MIPOL1: variants seen among roughly 807,000 people sequenced by gnomAD.
MIPOL1 encodes the protein mirror-image polydactyly gene 1 protein.
Under a neutral mutation model 60.9 loss-of-function variants are expected in MIPOL1, and 57 were observed. The observed-to-expected ratio is 0.94, with a 90% confidence interval of 0.76 to 1.17. The LOEUF is 1.17. Ranked by LOEUF, MIPOL1 falls within the 50% of genes most tolerant of loss-of-function variation. The probability of loss-of-function intolerance (pLI) is 0.00; values close to 1 mark genes in which losing one functional copy is unlikely to be tolerated. For missense variants in MIPOL1, 551 were observed against 511.6 expected (o/e 1.08, Z -0.74); for synonymous variants, 179 against 168.8 (o/e 1.06, Z -0.47).
intron 11 of MIPOL1, among the ~76,000 whole-genome samples, chr14:37,439,059 C>T (rs2094203777): frequency 6.6e-6 from 1 of 152,054 alleles, no homozygotes; most frequent in African/African-American, 2.4e-5. Context: ...TTTTGTGAAA[C>T]ATAGAGTTAA....
chr14:37,453,343 A>C (rs1221166608), intron 11 of MIPOL1, among the ~76,000 whole-genome samples: 2 of 152,256 alleles, frequency 1.3e-5, no homozygotes, highest in East Asian at 3.9e-4. Flanking sequence ...TCCCATAACT[A>C]ACCTTTGATA....
rs1409357731 is a variant in MIPOL1, at chr14:37,316,256, C to A, written c.828+7737C>A. Among the ~76,000 whole-genome samples the A allele has an allele frequency of 4.6e-5, 7 of 152,134 alleles. No individual in the cohort carries two copies. The South Asian group carries it at 1.2e-3, about 27-fold the overall frequency. On this transcript the variant is annotated intron_variant, in intron 9 of 12. Coordinates refer to ENST00000684589, the MANE Select transcript of MIPOL1 (RefSeq NM_001388067.1). ...ATGTTGGCCAGGCTAGTCTTGAACT[C>A]CTGACCTCAGGTGATCCACCCGCCT...
At chr14:37,332,500 T>A (rs1192257623) in intron 9 of MIPOL1, among the ~76,000 whole-genome samples, 2 of 152,196 alleles carry the variant, frequency 1.3e-5, no homozygotes, top group African/African-American at 4.8e-5. Context: ...GTCTTACCTT[T>A]AACAACACAC....
At chr14:37,378,677 A>C (rs983217944) in intron 10 of MIPOL1, among the ~76,000 whole-genome samples, 4 of 151,452 alleles carry the variant, frequency 2.6e-5, no homozygotes, top group African/African-American at 9.7e-5. Flanking sequence ...TGTAAGAAGG[A>C]AGGGATGAAA....
chr14:37,474,657 A>G (rs1840559694), intron 11 of MIPOL1, among the ~76,000 whole-genome samples: 1 of 152,218 alleles, frequency 6.6e-6, no homozygotes, highest in South Asian at 2.1e-4. Flanking sequence ...GCAGTGCAAG[A>G]ACAGACTAAT....
intron 11 of MIPOL1, among the ~76,000 whole-genome samples, chr14:37,492,055 C>A (rs1292120223): frequency 1.3e-5 from 2 of 152,180 alleles, no homozygotes; most frequent in Non-Finnish European, 2.9e-5. Context: ...CTGTGTTGCT[C>A]AGGCTGGTCT....
At chr14:37,265,850 G>C (rs2082836618) in intron 3 of MIPOL1, among the ~76,000 whole-genome samples, 1 of 152,062 alleles carries the variant, frequency 6.6e-6, no homozygotes, top group Non-Finnish European at 1.5e-5. Flanking sequence ...TGGATAGTCT[G>C]ATTTGCAGAG....
At chr14:37,476,167 A>T (rs2094770784) in intron 11 of MIPOL1, among the ~76,000 whole-genome samples, 1 of 152,178 alleles carries the variant, frequency 6.6e-6, no homozygotes, top group South Asian at 2.1e-4. Context: ...CATTAATGTA[A>T]TCTCAAATTA....
chr14:37,295,846 G>T (rs980100016), intron 7 of MIPOL1, among the ~76,000 whole-genome samples: 6 of 152,030 alleles, frequency 3.9e-5, no homozygotes, highest in Non-Finnish European at 8.8e-5. Flanking sequence ...CCCCCACACA[G>T]TAATCATGGG....
intron 1 of MIPOL1, among the ~76,000 whole-genome samples, chr14:37,229,977 A>C (rs1040045536): frequency 1.1e-4 from 17 of 152,270 alleles, no homozygotes; most frequent in African/African-American, 3.6e-4. Context: ...TGACAGGAGG[A>C]ATAAGTTCAA....
intron 12 of MIPOL1, among the ~76,000 whole-genome samples, chr14:37,535,790 G>T (rs1026812413): frequency 1.3e-5 from 2 of 152,152 alleles, no homozygotes; most frequent in Admixed American, 1.3e-4. Context: ...ACAGTGCTTT[G>T]TATAATTACA....
chr14:37,507,499 C>G (rs1045133469), intron 12 of MIPOL1: 17 of 152,374 alleles, frequency 1.1e-4, no homozygotes, highest in African/African-American at 4.1e-4. Flanking sequence ...CTAACTATCA[C>G]AAGGACAGAA....
intron 12 of MIPOL1, among the ~76,000 whole-genome samples, chr14:37,512,196 C>G (rs2095333458): frequency 6.6e-6 from 1 of 152,024 alleles, no homozygotes; most frequent in Non-Finnish European, 1.5e-5. Flanking sequence ...TGTTTAAAGT[C>G]TTTTCTGCTA....
At chr14:37,463,269 A>G (rs2094560637) in intron 11 of MIPOL1, among the ~76,000 whole-genome samples, 1 of 152,182 alleles carries the variant, frequency 6.6e-6, no homozygotes, top group Non-Finnish European at 1.5e-5. Flanking sequence ...TCAGAAGAAC[A>G]GCACAGGAAA....
At chr14:37,317,829 C>T (rs886489572) in intron 9 of MIPOL1, among the ~76,000 whole-genome samples, 1 of 152,078 alleles carries the variant, frequency 6.6e-6, no homozygotes, top group Non-Finnish European at 1.5e-5. Flanking sequence ...GAAAAAATCC[C>T]TAAATGATAC....
intron 11 of MIPOL1, among the ~76,000 whole-genome samples, chr14:37,440,582 C>T (rs1040153543): frequency 1.3e-5 from 2 of 152,080 alleles, no homozygotes; most frequent in African/African-American, 2.4e-5. Context: ...CGGTTCCATT[C>T]GTGTTGCTAC....
Position 37,288,159 on chromosome 14 carries a change from G to GT in MIPOL1, c.623+2720dup, listed in dbSNP as rs201281176. 5.9e-3 allele frequency among the ~76,000 whole-genome samples: 891 copies of GT among 150,330 alleles called. 13 individuals carry two copies. The highest frequency in any genetic ancestry group is 0.02 in the African/African-American group (818 of 40,950). ...TGTTTTCTTTTTTTAAGTTTTTGAG[G>GT]TTTTTTTTGGTTGTTGTTTTGTTTT... On this transcript the variant is annotated intron_variant, in intron 7 of 12. Coordinates refer to ENST00000684589, the MANE Select transcript of MIPOL1 (RefSeq NM_001388067.1).
intron 9 of MIPOL1, among the ~76,000 whole-genome samples, chr14:37,367,041 T>G (rs1287509693): frequency 6.6e-6 from 1 of 152,002 alleles, no homozygotes; most frequent in Middle Eastern, 3.2e-3. Flanking sequence ...ACAAATGAAT[T>G]TGGTGAGAAT....
chr14:37,349,276 C>CCGAGA (rs2091176993), intron 9 of MIPOL1, among the ~76,000 whole-genome samples: 2 of 152,140 alleles, frequency 1.3e-5, no homozygotes, highest in African/African-American at 4.8e-5. Flanking sequence ...GCGTGAGCCA[C>CCGAGA]TGCACCCGGC....
Sources: allele counts gnomAD v4.1 joint callset (sites outside exome capture counted in the v4.1 genomes callset), GRCh38; gene constraint gnomAD v4.1.1; transcripts MANE v1.5; gene names NCBI Gene and HGNC (gene_info 2026-07-23, HGNC 2026-07-21).